TINAG: variants seen among roughly 807,000 people sequenced by gnomAD.
The protein encoded by TINAG is tubulointerstitial nephritis antigen.
TINAG carries 83 observed loss-of-function variants against 72.7 expected under a neutral mutation model. The ratio of observed to expected loss-of-function variants is 1.14; its 90% CI spans 0.96 to 1.37. The LOEUF is 1.37. Ranked by LOEUF, TINAG falls within the 40% of genes most tolerant of loss-of-function variation. TINAG has a pLI of 0.00. For synonymous variants in TINAG, 234 were observed against 189.9 expected, an observed-to-expected ratio of 1.23 and a Z score of -1.91; for missense variants, 685 against 576.6, an observed-to-expected ratio of 1.19 and a Z score of -1.93.
intron 9 of TINAG, among the ~76,000 whole-genome samples, chr6:54,367,367 T>A (rs931945494): frequency 6.6e-6 from 1 of 151,810 alleles, no homozygotes; most frequent in African/African-American, 2.4e-5. Context: ...AGGAATGTTT[T>A]CCTGATGCAC....
intron 1 of TINAG, among the ~76,000 whole-genome samples, chr6:54,311,024 T>C (rs1191059548): frequency 6.6e-6 from 1 of 151,794 alleles, no homozygotes; most frequent in Non-Finnish European, 1.5e-5. Context: ...TTTCCTTTCA[T>C]TTTTATGAGC....
chr6:54,358,598 G>T (rs185169442), intron 9 of TINAG, among the ~76,000 whole-genome samples: 1 of 151,068 alleles, frequency 6.6e-6, no homozygotes, highest in African/African-American at 2.4e-5. Flanking sequence ...CTTCAGCTTC[G>T]ATTCAAGTTT....
rs573224741 is a variant in TINAG, at chr6:54,336,646, T to C, written c.625-6580T>C. Among the ~76,000 whole-genome samples, 16 of 152,326 alleles carry C rather than the reference T, an allele frequency of 1.1e-4. No individual in the cohort carries two copies. The South Asian group carries it at 2.9e-3, about 28-fold the overall frequency. ...AAAATTAAGAGTTCATTTGTATGCT[T>C]GGCTCCATTAAAATTTGTTTCTTTA... On this transcript the variant is annotated intron_variant, in intron 4 of 10. Coordinates refer to ENST00000259782, the MANE Select transcript of TINAG (RefSeq NM_014464.4).
rs70983415 is a variant in TINAG at position 54,360,841 on chromosome 6, G to GTTTTT, written c.1250+6232_1250+6236dup. Among the ~76,000 whole-genome samples, 13 of 26,254 alleles carry GTTTTT rather than the reference G, an allele frequency of 5.0e-4. 2 individuals carry two copies. Among genetic ancestry groups the GTTTTT allele is most frequent in the East Asian group, 1.2e-3 (1 of 806 alleles). 17.2% of individuals were successfully genotyped at this position (26,254 alleles called of 152,430 possible). A position where few individuals can be genotyped will look rare whatever the true frequency, so the allele number is the denominator to read the frequency against. On this transcript the variant is annotated intron_variant, in intron 9 of 10. Transcript: ENST00000259782. ...GTTTCTTGTGTTTCACAGATACTGT[G>GTTTTT]TTTTTTTTTTTTTTTTTTTTTTTTT...
chr6:54,374,516 C>T (rs1377344309), intron 9 of TINAG, among the ~76,000 whole-genome samples: 1 of 152,122 alleles, frequency 6.6e-6, no homozygotes, highest in Non-Finnish European at 1.5e-5. Context: ...ACTTCATTTA[C>T]TAGGCATGAG....
chr6:54,352,799 G>A (rs550786216), intron 8 of TINAG, among the ~76,000 whole-genome samples: 2 of 149,310 alleles, frequency 1.3e-5, no homozygotes, highest in South Asian at 2.1e-4. Flanking sequence ...ATTTAAAATT[G>A]AGAAAATTTA....
intron 6 of TINAG, among the ~76,000 whole-genome samples, chr6:54,348,817 T>A (rs1228305621): frequency 3.3e-5 from 5 of 152,098 alleles, no homozygotes; most frequent in Non-Finnish European, 7.4e-5. Flanking sequence ...AATGCAATAT[T>A]TTTTAGGTTG....
chr6:54,381,912 G>A (rs1004604507), intron 10 of TINAG, among the ~76,000 whole-genome samples: 1 of 151,920 alleles, frequency 6.6e-6, no homozygotes, highest in Non-Finnish European at 1.5e-5. Flanking sequence ...GAATATGAAC[G>A]AATGTGCAGA....
At chr6:54,385,904 T>TTC (rs1215426098) in intron 10 of TINAG, among the ~76,000 whole-genome samples, 1 of 144,310 alleles carries the variant, frequency 6.9e-6, no homozygotes, top group African/African-American at 2.6e-5. Context: ...TTTTTTTTTT[T>TTC]CAGACGGAGT....
At chr6:54,368,103 A>G (rs1763489630) in intron 9 of TINAG, among the ~76,000 whole-genome samples, 7 of 150,890 alleles carry the variant, frequency 4.6e-5, no homozygotes, top group Admixed American at 4.0e-4. Flanking sequence ...ATCCCTTTAG[A>G]ATATTGAGTA....
intron 4 of TINAG, among the ~76,000 whole-genome samples, chr6:54,335,177 G>A (rs891270094): frequency 2.0e-5 from 3 of 152,078 alleles, no homozygotes; most frequent in Non-Finnish European, 1.5e-5. Flanking sequence ...AATATTTTAT[G>A]TTCTAGAGAA....
chr6:54,315,308 GC>G (rs1784346805), intron 1 of TINAG, among the ~76,000 whole-genome samples: 1 of 152,010 alleles, frequency 6.6e-6, no homozygotes, highest in African/African-American at 2.4e-5. Flanking sequence ...TGGAAGTAAA[GC>G]ATATTGGTAA....
At chr6:54,322,213 C>T (rs1011801971) in intron 3 of TINAG, among the ~76,000 whole-genome samples, 1 of 151,982 alleles carries the variant, frequency 6.6e-6, no homozygotes, top group Admixed American at 6.6e-5. Flanking sequence ...GAGGCTGAAG[C>T]ACAACAACCA....
intron 9 of TINAG, chr6:54,367,232 C>T (rs751803627): frequency 1.1e-4 from 16 of 151,658 alleles, no homozygotes; most frequent in Non-Finnish European, 2.1e-4. Flanking sequence ...AGTTCAGCAT[C>T]CTAGTTCTGA....
intron 10 of TINAG, among the ~76,000 whole-genome samples, chr6:54,381,142 A>ATG (rs1763937574): frequency 6.7e-6 from 1 of 149,550 alleles, no homozygotes; most frequent in African/African-American, 2.5e-5. Flanking sequence ...ATACACACAT[A>ATG]TGTGTATATA....
chr6:54,343,589 A>G (rs1582722749), intron 5 of TINAG, among the ~76,000 whole-genome samples: 1 of 151,804 alleles, frequency 6.6e-6, no homozygotes, highest in East Asian at 1.9e-4. Context: ...CAAAAGAGTG[A>G]CAAAATAAAT....
At chr6:54,366,254 A>ATG (rs57637287) in intron 9 of TINAG, among the ~76,000 whole-genome samples, 37,878 of 147,862 alleles carry the variant, frequency 0.26, 5,193 homozygotes, top group East Asian at 0.37. Context: ...ACGTACGTGT[A>ATG]TGTGTGTGTG....
intron 9 of TINAG, among the ~76,000 whole-genome samples, chr6:54,375,167 A>G (rs1403994641): frequency 2.0e-5 from 3 of 152,156 alleles, no homozygotes; most frequent in Non-Finnish European, 1.5e-5. Flanking sequence ...TAAGGAATCC[A>G]ATCCCTAAGC....
intron 3 of TINAG, among the ~76,000 whole-genome samples, chr6:54,324,463 C>T (rs1178804560): frequency 6.6e-6 from 1 of 152,192 alleles, no homozygotes; most frequent in Non-Finnish European, 1.5e-5. Context: ...TTGAAAGTTT[C>T]ATGATATCAA....
Sources: allele counts gnomAD v4.1 joint callset (sites outside exome capture counted in the v4.1 genomes callset), GRCh38; gene constraint gnomAD v4.1.1; transcripts MANE v1.5; gene names NCBI Gene and HGNC (gene_info 2026-07-23, HGNC 2026-07-21).